TTLL11: variants seen among roughly 807,000 people sequenced by gnomAD.
TTLL11 encodes tubulin polyglutamylase TTLL11.
Under a neutral mutation model 51.7 loss-of-function variants are expected in TTLL11, and 42 were observed. The ratio of observed to expected loss-of-function variants is 0.81; its 90% CI spans 0.64 to 1.05. The LOEUF is 1.05. Ranked by LOEUF, TTLL11 falls within the 50% of genes least tolerant of loss-of-function variation. The probability of loss-of-function intolerance (pLI) is 0.00; values close to 1 mark genes in which losing one functional copy is unlikely to be tolerated. For missense variants in TTLL11, 799 were observed against 940.4 expected (o/e 0.85, Z 1.97); for synonymous variants, 381 against 383.5 (o/e 0.99, Z 0.08).
chr9:122,029,390 GA>G (rs1844454987), intron 3 of TTLL11, among the ~76,000 whole-genome samples: 2 of 152,176 alleles, frequency 1.3e-5, no homozygotes, highest in Non-Finnish European at 2.9e-5. Flanking sequence ...GCTCCTTGAA[GA>G]CCTTCCAGTG....
At chr9:121,845,739 C>G (rs1453311129) in intron 8 of TTLL11, among the ~76,000 whole-genome samples, 1 of 152,006 alleles carries the variant, frequency 6.6e-6, no homozygotes, top group African/African-American at 2.4e-5. Flanking sequence ...ATTGTAAACT[C>G]TAGGATAATG....
At chr9:122,080,345 C>T (rs559237624) in intron 1 of TTLL11, among the ~76,000 whole-genome samples, 6 of 152,162 alleles carry the variant, frequency 3.9e-5, no homozygotes, top group East Asian at 1.9e-4. Context: ...ATGTATATTC[C>T]GTGTGGTCTA....
intron 6 of TTLL11, among the ~76,000 whole-genome samples, chr9:121,950,096 G>A (rs1200258577): frequency 1.3e-5 from 2 of 152,110 alleles, no homozygotes; most frequent in African/African-American, 2.4e-5. Flanking sequence ...ATCAGGTCAC[G>A]TTCTTGCTCC....
At chr9:121,945,149 C>T (rs1178753325) in intron 6 of TTLL11, among the ~76,000 whole-genome samples, 1 of 152,076 alleles carries the variant, frequency 6.6e-6, no homozygotes, top group East Asian at 1.9e-4. Context: ...AGAGAGGAGT[C>T]GGGTGCAAGG....
chr9:122,082,463 T>C (rs919570810), intron 1 of TTLL11, among the ~76,000 whole-genome samples: 14 of 146,636 alleles, frequency 9.5e-5, no homozygotes, highest in East Asian at 4.0e-4. Context: ...CATAGTGCCA[T>C]TGCACTCCGG....
At chr9:122,081,649 A>C (rs1261855915) in intron 1 of TTLL11, among the ~76,000 whole-genome samples, 1 of 152,248 alleles carries the variant, frequency 6.6e-6, no homozygotes, top group Non-Finnish European at 1.5e-5. Flanking sequence ...ACAGCACCTG[A>C]AGGCAGAATT....
In TTLL11 at chr9:121,816,426, A is replaced by G. The variant is rs1332324688; in HGVS notation, c.*6161T>C. ...GCACAAGACACTACCGCAGGGCTGC[A>G]AAGAGCCCTCTCCACTCCGCTCTCT... On this transcript the variant is annotated 3_prime_UTR_variant, in exon 9 of 9. Coordinates refer to ENST00000321582, the MANE Select transcript of TTLL11 (RefSeq NM_001139442.2). 6.6e-6 allele frequency: 1 copy of G among 152,220 alleles called. No homozygotes were observed. Among genetic ancestry groups the G allele is most frequent in the East Asian group, 1.9e-4 (1 of 5,196 alleles). The allele number at this position is 152,220 out of a possible 1,614,324, so 9.4% of individuals were successfully genotyped here. A position where few individuals can be genotyped will look rare whatever the true frequency, so the allele number is the denominator to read the frequency against.
chr9:121,989,756 T>C lies in TTLL11; in HGVS notation c.708A>G (p.Lys236=). ...TGGGCTTCCAGGAGGGGTCATCGTC[T>C]TTCACCATTTGAACCTGGAGGGGGA... ...QLFVAQVQMV[K]DDDPSWKPTF... The change falls in exon 4 of 9, where the codon AAA becomes AAG. Residue 236 remains lysine, a synonymous_variant. Coordinates refer to ENST00000321582, the MANE Select transcript of TTLL11 (RefSeq NM_001139442.2). The surrounding 1 kb of genome is among the most constrained non-coding windows in gnomAD (Gnocchi z 4.2). 6.3e-7 allele frequency: 1 copy of C among 1,599,266 alleles called. No homozygotes were observed. Among genetic ancestry groups the C allele is most frequent in the Non-Finnish European group, 8.5e-7 (1 of 1,171,112 alleles).
At chr9:121,915,584 A>T (rs1361914554) in intron 6 of TTLL11, among the ~76,000 whole-genome samples, 1 of 152,172 alleles carries the variant, frequency 6.6e-6, no homozygotes, top group Non-Finnish European at 1.5e-5. Context: ...ATTTTAAAAT[A>T]TCTTTGCCTA....
chr9:122,033,057 T>A (rs1844599809), intron 2 of TTLL11, among the ~76,000 whole-genome samples: 1 of 152,212 alleles, frequency 6.6e-6, no homozygotes, highest in African/African-American at 2.4e-5. Context: ...TGCCTTGGCC[T>A]CCCAAAGCCC....
Position 121,817,492 on chromosome 9 carries a change from G to A in TTLL11, c.*5095C>T, listed in dbSNP as rs984007985. The A allele has an allele frequency of 3.9e-4, 59 of 152,298 alleles. No individual in the cohort carries two copies. The highest frequency in any genetic ancestry group is 6.8e-3 in the Middle Eastern group (2 of 294). The allele number at this position is 152,298 out of a possible 1,614,324, so 9.4% of individuals were successfully genotyped here. On this transcript the variant is annotated 3_prime_UTR_variant, in exon 9 of 9. Transcript: ENST00000321582. ...CATTGATGACATTTTCTGTGATCTC[G>A]TCTTATGCTCCCAAAGATCAAGTGA...
Position 121,860,296 on chromosome 9 carries a change from C to G in TTLL11, c.1840+41G>C, listed in dbSNP as rs768349513. The G allele has an allele frequency of 6.1e-6, 9 of 1,466,704 alleles. No individual in the cohort carries two copies. In the Admixed American group the frequency reaches 1.8e-4, roughly 29 times the overall value. 90.9% of individuals were successfully genotyped at this position (1,466,704 alleles called of 1,614,324 possible). A position where few individuals can be genotyped will look rare whatever the true frequency, so the allele number is the denominator to read the frequency against. On this transcript the variant is annotated intron_variant, in intron 8 of 8. Coordinates refer to ENST00000321582, the MANE Select transcript of TTLL11 (RefSeq NM_001139442.2). ...CAGAAAATATACCACCCATGCCTGT[C>G]AGGACCCCCACAGGCCATGGCAGAG...
intron 6 of TTLL11, among the ~76,000 whole-genome samples, chr9:121,956,254 GA>G (rs147860181): frequency 0.077 from 11,744 of 152,190 alleles, 680 homozygotes; most frequent in African/African-American, 0.16. Flanking sequence ...GAAAGGGGGA[GA>G]AAAAAACCTG....
chr9:121,893,501 G>A (rs1839338088), intron 6 of TTLL11, among the ~76,000 whole-genome samples: 1 of 152,208 alleles, frequency 6.6e-6, no homozygotes, highest in South Asian at 2.1e-4. Context: ...GAGGCTCAGA[G>A]AAGATGAATA....
At chr9:122,023,981 T>G (rs1844258211) in intron 3 of TTLL11, among the ~76,000 whole-genome samples, 1 of 151,966 alleles carries the variant, frequency 6.6e-6, no homozygotes, top group Admixed American at 6.6e-5. Context: ...GAAAAAGAAA[T>G]AAACGGCTAA....
chr9:121,842,377 C>T (rs1837383759), intron 8 of TTLL11, among the ~76,000 whole-genome samples: 1 of 152,142 alleles, frequency 6.6e-6, no homozygotes, highest in Non-Finnish European at 1.5e-5. Context: ...CCTGCCCCAG[C>T]ATTCTAAGTA....
intron 3 of TTLL11, among the ~76,000 whole-genome samples, chr9:122,003,483 C>CTTTTT (rs398012131): frequency 3.4e-5 from 4 of 116,450 alleles, no homozygotes; most frequent in Admixed American, 9.0e-5. Context: ...GCATACGTTC[C>CTTTTT]TTTTTTTTTT....
chr9:122,085,419 C>T (rs1846097882), intron 1 of TTLL11, among the ~76,000 whole-genome samples: 1 of 152,160 alleles, frequency 6.6e-6, no homozygotes, highest in African/African-American at 2.4e-5. Context: ...ACCTAGACTA[C>T]ATCAAGTTGA....
intron 6 of TTLL11, among the ~76,000 whole-genome samples, chr9:121,964,050 G>GA (rs550264099): frequency 4.7e-5 from 7 of 149,214 alleles, no homozygotes; most frequent in South Asian, 2.2e-4. Context: ...TTTTGCTCCA[G>GA]AAAAAAAATA....
Sources: allele counts gnomAD v4.1 joint callset (sites outside exome capture counted in the v4.1 genomes callset), GRCh38; gene constraint gnomAD v4.1.1; non-coding constraint Gnocchi (gnomAD v3.1); transcripts MANE v1.5; gene names NCBI Gene and HGNC (gene_info 2026-07-23, HGNC 2026-07-21).